The following AUTS2 variants were observed in gnomAD, a reference collection of about 807,000 sequenced individuals.
AUTS2 encodes activator of transcription and developmental regulator AUTS2.
AUTS2 carries 17 observed loss-of-function variants against 112.4 expected under a neutral mutation model. The observed-to-expected ratio is 0.15, with a 90% confidence interval of 0.10 to 0.23. The LOEUF is 0.23. AUTS2 is among the 10% of genes least tolerant of loss of function. The probability of loss-of-function intolerance (pLI) is 1.00; values close to 1 mark genes in which losing one functional copy is unlikely to be tolerated. For synonymous variants in AUTS2, 751 were observed against 702.7 expected (o/e 1.07, Z -1.09); for missense variants, 1,510 against 1,701.6 (o/e 0.89, Z 1.98).
chr7:70,526,941 A>G (rs1799865703), intron 5 of AUTS2, among the ~76,000 whole-genome samples: 1 of 152,170 alleles, frequency 6.6e-6, no homozygotes, highest in South Asian at 2.1e-4. Flanking sequence ...CTGAATGTTT[A>G]TTGACTTGAA....
At position 70,601,875 on chromosome 7, in the gene AUTS2, G is replaced by C. The variant is rs57021174; in HGVS notation, c.691-96694G>C. Among the ~76,000 whole-genome samples, 1,221 of 152,234 alleles carry C rather than the reference G, an allele frequency of 8.0e-3. 20 individuals are homozygous for C. The highest frequency in any genetic ancestry group is 0.028 in the African/African-American group (1,171 of 41,520). ...AATGACCTGCCTCCACCATTTCTCAGAGTGTTTGTAAAGACTGATTATAAT... is the reference window on the plus strand; with the variant it reads ...AATGACCTGCCTCCACCATTTCTCACAGTGTTTGTAAAGACTGATTATAAT... On this transcript the variant is annotated intron_variant, in intron 5 of 18. Transcript: ENST00000342771.
Position 69,872,239 on chromosome 7 carries a change from G to A in AUTS2, c.310-27047G>A, listed in dbSNP as rs181648431. 4.9e-4 allele frequency among the ~76,000 whole-genome samples: 75 copies of A among 152,308 alleles called. 1 individual carries two copies. Among genetic ancestry groups the A allele is most frequent in the African/African-American group, 1.8e-3 (73 of 41,558 alleles). ...ACATAAGCTGGGCCTGATGCCCTGTGTTTTCACACTGAGGAAAGCATGAAT... is the reference window on the plus strand; with the variant it reads ...ACATAAGCTGGGCCTGATGCCCTGTATTTTCACACTGAGGAAAGCATGAAT... On this transcript the variant is annotated intron_variant, in intron 1 of 18. Transcript: ENST00000342771.
At chr7:70,539,163 A>G (rs1465804636) in intron 5 of AUTS2, among the ~76,000 whole-genome samples, 1 of 152,210 alleles carries the variant, frequency 6.6e-6, no homozygotes, top group Non-Finnish European at 1.5e-5. Flanking sequence ...AACCTGGTAC[A>G]GCACTAAGAA....
chr7:69,851,956 T>A (rs1792503297), intron 1 of AUTS2, among the ~76,000 whole-genome samples: 1 of 152,190 alleles, frequency 6.6e-6, no homozygotes, highest in Non-Finnish European at 1.5e-5. Context: ...ATTTACTTTC[T>A]GATATACCTT....
At chr7:70,235,299 A>G (rs939198151) in intron 4 of AUTS2, among the ~76,000 whole-genome samples, 1 of 151,706 alleles carries the variant, frequency 6.6e-6, no homozygotes, top group African/African-American at 2.4e-5. Context: ...ACCCATGGCT[A>G]ATTAAAAAAA....
At chr7:70,582,891 C>T (rs1009053800) in intron 5 of AUTS2, among the ~76,000 whole-genome samples, 2 of 152,108 alleles carry the variant, frequency 1.3e-5, no homozygotes, top group Non-Finnish European at 2.9e-5. Context: ...GAGTTTGTAA[C>T]GACTCCCTCA....
intron 2 of AUTS2, among the ~76,000 whole-genome samples, chr7:70,115,985 G>A (rs571459825): frequency 1.3e-5 from 2 of 152,208 alleles, no homozygotes; most frequent in East Asian, 3.9e-4. Flanking sequence ...GACAAGAAAC[G>A]TTCAGGGAAT....
At chr7:70,392,189 G>C (rs1367173751) in intron 4 of AUTS2, among the ~76,000 whole-genome samples, 1 of 152,118 alleles carries the variant, frequency 6.6e-6, no homozygotes, top group East Asian at 1.9e-4. Flanking sequence ...GGCTTCTTGA[G>C]GGCAAGAATG....
intron 1 of AUTS2, among the ~76,000 whole-genome samples, chr7:69,702,680 T>C (rs1193537518): frequency 6.6e-6 from 1 of 151,976 alleles, no homozygotes; most frequent in African/African-American, 2.4e-5. Flanking sequence ...ACCTGGGATC[T>C]TGTTAGAAAT....
At chr7:70,281,371 A>G (rs1227871069) in intron 4 of AUTS2, among the ~76,000 whole-genome samples, 1 of 152,196 alleles carries the variant, frequency 6.6e-6, no homozygotes, top group African/African-American at 2.4e-5. Flanking sequence ...TTAGTTTGCA[A>G]TTAGGGGGAT....
intron 5 of AUTS2, among the ~76,000 whole-genome samples, chr7:70,581,950 T>C (rs1211744114): frequency 6.6e-6 from 1 of 152,150 alleles, no homozygotes; most frequent in East Asian, 1.9e-4. Context: ...TTAGTCTATG[T>C]ATAGTAAGGT....
rs940971620 is a variant in AUTS2, at chr7:70,061,961, T to C, written c.523-56171T>C. Among the ~76,000 whole-genome samples the C allele has an allele frequency of 5.9e-5, 9 of 151,560 alleles. 1 individual carries two copies. The highest frequency in any genetic ancestry group is 5.9e-4 in the Admixed American group (9 of 15,238). On this transcript the variant is annotated intron_variant, in intron 2 of 18. Transcript: ENST00000342771. ...CGCCACCATGCCCAGCTAATTTTTC[T>C]TATTTTAGTAGAGATGGGATTTTGC...
chr7:69,675,505 G>GTTTTTT (rs751222506), intron 1 of AUTS2, among the ~76,000 whole-genome samples: 18 of 114,202 alleles, frequency 1.6e-4, no homozygotes, highest in African/African-American at 4.0e-4. Context: ...TTGGCTGAGG[G>GTTTTTT]TTTTTTTTTT....
intron 1 of AUTS2, among the ~76,000 whole-genome samples, chr7:69,661,680 G>C: frequency 6.6e-6 from 1 of 152,188 alleles, no homozygotes; most frequent in Non-Finnish European, 1.5e-5. Flanking sequence ...TGGTCTCATG[G>C]TTTCACTGAG....
intron 1 of AUTS2, among the ~76,000 whole-genome samples, chr7:69,692,650 T>C (rs1330567163): frequency 6.6e-6 from 1 of 152,268 alleles, no homozygotes; most frequent in African/African-American, 2.4e-5. Flanking sequence ...GATTAGCTTA[T>C]GATCTTGAAC....
At position 70,485,280 on chromosome 7, in the gene AUTS2, C is replaced by A. The variant is rs188756622; in HGVS notation, c.690+49499C>A. ...ATAAAGAAAATGTGGTATATATACA[C>A]CATGGAATACTACTCAGCCATGAAA... On this transcript the variant is annotated intron_variant, in intron 5 of 18. Transcript: ENST00000342771. Among the ~76,000 whole-genome samples the A allele has an allele frequency of 6.8e-4, 103 of 152,262 alleles. No homozygotes were observed. In the Middle Eastern group the frequency reaches 0.01, roughly 15 times the overall value.
At chr7:70,618,732 GAA>G (rs1294572984) in intron 5 of AUTS2, among the ~76,000 whole-genome samples, 1 of 136,222 alleles carries the variant, frequency 7.3e-6, no homozygotes, top group Non-Finnish European at 1.6e-5. Flanking sequence ...CAGAGAGAGA[GAA>G]AGAGAGAGAG....
intron 4 of AUTS2, among the ~76,000 whole-genome samples, chr7:70,347,453 C>T (rs899466883): frequency 4.6e-5 from 7 of 152,130 alleles, no homozygotes; most frequent in African/African-American, 1.7e-4. Context: ...TGAAGGTGGG[C>T]ATGTATGGGT....
At chr7:69,955,799 T>C (rs1162001209) in intron 2 of AUTS2, among the ~76,000 whole-genome samples, 1 of 152,130 alleles carries the variant, frequency 6.6e-6, no homozygotes, top group Non-Finnish European at 1.5e-5. Flanking sequence ...TTGGCCACTG[T>C]GGGACTCCCT....
Sources: gnomAD v4.1 joint callset for allele counts (sites outside exome capture counted in the v4.1 genomes callset) on GRCh38, gnomAD v4.1.1 for gene constraint, MANE v1.5 for transcripts, NCBI Gene and HGNC (gene_info 2026-07-23, HGNC 2026-07-21) for gene names.